Variants in ZMYND8 observed in about 807,000 individuals in gnomAD.
ZMYND8 encodes the protein MYND-type zinc finger-containing chromatin reader ZMYND8.
A neutral mutation model predicts 140.8 loss-of-function variants in ZMYND8; 37 were observed. The observed-to-expected ratio is 0.26, with a 90% CI of 0.20 to 0.35. ZMYND8 has a LOEUF of 0.35. ZMYND8 is among the 10% of genes least tolerant of loss of function. The pLI, the probability that ZMYND8 is intolerant of heterozygous loss-of-function variation, is 1.00. For missense variants in ZMYND8, 1,068 were observed against 1,570.0 expected (o/e 0.68, Z 5.40); for synonymous variants, 592 against 597.1 (o/e 0.99, Z 0.12).
In ZMYND8 at chr20:47,276,484, C is replaced by T; in HGVS notation, c.1310G>A (p.Ser437Asn). 6.2e-7 allele frequency: 1 copy of T among 1,614,110 alleles called. No individual in the cohort carries two copies. Among genetic ancestry groups the T allele is most frequent in the Non-Finnish European group, 8.5e-7 (1 of 1,180,008 alleles). Residue 437 changes from serine (S) to asparagine (N), a missense_variant, in exon 11 of 23, where the codon AGT (serine) becomes AAT (asparagine). Ser to Asn is a conservative substitution (Grantham distance 46). Transcript: ENST00000471951. ...PKILMSKPVL[S>N]GGTGRRISLS... ...GGAAATCCGGCGGCCTGTGCCCCCACTCAGCACAGGCTTGCTCATCAGGAT... is the reference window on the plus strand; with the variant it reads ...GGAAATCCGGCGGCCTGTGCCCCCATTCAGCACAGGCTTGCTCATCAGGAT...
chr20:47,227,175 CA>C (rs777314429), intron 18 of ZMYND8, 27 bp downstream of exon 18: 127 of 1,613,270 alleles, frequency 7.9e-5, no homozygotes, highest in Non-Finnish European at 9.2e-5. Context: ...AAACCCTCCT[CA>C]GTCCAGACCA....
intron 1 of ZMYND8, chr20:47,350,019 T>C (rs1215582357): frequency 7.5e-6 from 11 of 1,474,864 alleles, no homozygotes; most frequent in Admixed American, 5.0e-5. Context: ...AAACTAGTTA[T>C]GTGGTGGCTA....
At chr20:47,252,590 A>C (rs1450608651) in intron 12 of ZMYND8, among the ~76,000 whole-genome samples, 2 of 152,234 alleles carry the variant, frequency 1.3e-5, no homozygotes, top group Non-Finnish European at 2.9e-5. Flanking sequence ...CAGTTAACGA[A>C]AAAATTTACA....
At chr20:47,223,364 C>T (rs542874315) in intron 19 of ZMYND8, among the ~76,000 whole-genome samples, 6 of 151,204 alleles carry the variant, frequency 4.0e-5, no homozygotes, top group South Asian at 4.2e-4. Flanking sequence ...AAATTAGCTG[C>T]GCATGGTGAT....
At chr20:47,338,065 T>C (rs2081526299) in intron 2 of ZMYND8, among the ~76,000 whole-genome samples, 1 of 152,078 alleles carries the variant, frequency 6.6e-6, no homozygotes, top group Non-Finnish European at 1.5e-5. Flanking sequence ...TAAGTGCAAG[T>C]AGAGAAAAAC....
intron 2 of ZMYND8, 105 bp downstream of exon 2, chr20:47,347,751 C>T: frequency 1.8e-6 from 2 of 1,081,116 alleles, no homozygotes; most frequent in Non-Finnish European, 2.7e-6. Context: ...AGAAGAGTTA[C>T]AACGTCGGCT....
intron 2 of ZMYND8, among the ~76,000 whole-genome samples, chr20:47,332,690 A>G (rs1305077784): frequency 6.6e-6 from 1 of 152,230 alleles, no homozygotes; most frequent in Non-Finnish European, 1.5e-5. Flanking sequence ...CGTCTGGGGA[A>G]CAGAGCAAGC....
intron 14 of ZMYND8, among the ~76,000 whole-genome samples, chr20:47,243,977 C>T (rs561273458): frequency 2.6e-5 from 4 of 152,196 alleles, no homozygotes; most frequent in Non-Finnish European, 4.4e-5. Context: ...GGTTTGATGG[C>T]CTATCCTCCC....
intron 14 of ZMYND8, among the ~76,000 whole-genome samples, chr20:47,244,992 G>A (rs1190515628): frequency 6.6e-6 from 1 of 152,122 alleles, no homozygotes; most frequent in Non-Finnish European, 1.5e-5. Flanking sequence ...GGGAGGCGGA[G>A]GTTGCAGTCA....
chr20:47,285,897 T>C (rs915973158), intron 8 of ZMYND8: 9 of 934,836 alleles, frequency 9.6e-6, no homozygotes, highest in Non-Finnish European at 1.1e-5. Context: ...TCTACATAAA[T>C]ATACAGACAT....
At position 47,221,249 on chromosome 20, in the gene ZMYND8, G is replaced by A. The variant is rs952318829; in HGVS notation, c.3417+65C>T. ...CGGAACTTTCAGGGCGGCAGACAGG[G>A]GGTCCTAAGTCCACTTGGCACAAAG... On this transcript the variant is annotated intron_variant, in intron 20 of 22. Transcript: ENST00000471951. The A allele has an allele frequency of 2.0e-4, 315 of 1,582,120 alleles. 2 individuals carry two copies. Among genetic ancestry groups the A allele is most frequent in the Non-Finnish European group, 2.1e-4 (242 of 1,163,530 alleles).
chr20:47,350,479 G>T lies in ZMYND8; in HGVS notation c.15-2553C>A, dbSNP rs556351552. Among the ~76,000 whole-genome samples, 563 of 147,746 alleles carry T rather than the reference G, an allele frequency of 3.8e-3. 3 individuals are homozygous for T. The highest frequency in any genetic ancestry group is 0.013 in the African/African-American group (524 of 40,020). The stretch of plus-strand genomic sequence containing the variant: ...TGTGTGTGTGTGTGTGTTTTTTTTT[G>T]ATTTAGTGTTAAGAACTAGTATGTT... On this transcript the variant is annotated intron_variant, in intron 1 of 22. Coordinates refer to ENST00000471951, the MANE Select transcript of ZMYND8 (RefSeq NM_001281775.3).
chr20:47,333,967 A>C (rs2081185835), intron 2 of ZMYND8, among the ~76,000 whole-genome samples: 1 of 152,048 alleles, frequency 6.6e-6, no homozygotes, highest in Admixed American at 6.6e-5. Context: ...GAATAAATGA[A>C]TAAATAAATA....
chr20:47,268,896 A>G (rs540578008), intron 11 of ZMYND8, among the ~76,000 whole-genome samples: 1 of 152,318 alleles, frequency 6.6e-6, no homozygotes, highest in African/African-American at 2.4e-5. Context: ...AGTGATTAAC[A>G]ATCCAAAGAA....
intron 1 of ZMYND8, chr20:47,352,112 G>T: frequency 1.5e-6 from 1 of 679,448 alleles, no homozygotes; most frequent in Non-Finnish European, 1.8e-6. Flanking sequence ...ACTGCAGACG[G>T]ACAGGTGTCT....
At chr20:47,221,004 A>C (rs2036859723) in intron 20 of ZMYND8, among the ~76,000 whole-genome samples, 2 of 152,172 alleles carry the variant, frequency 1.3e-5, no homozygotes. Context: ...AGTGCTCAAA[A>C]GCTGCATGTA....
chr20:47,242,010 G>A (rs1419808915), intron 14 of ZMYND8, among the ~76,000 whole-genome samples: 5 of 151,846 alleles, frequency 3.3e-5, no homozygotes, highest in Non-Finnish European at 7.4e-5. Context: ...GTAGAGGCGG[G>A]GTTTCACTGT....
At chr20:47,310,302 A>C in intron 2 of ZMYND8, 98 bp from the exon 3 acceptor site, 1 of 1,436,656 alleles carries the variant, frequency 7.0e-7, no homozygotes, top group Non-Finnish European at 9.3e-7. Context: ...AACAGAGTGC[A>C]TTCTGTCCCC....
intron 8 of ZMYND8, 121 bp downstream of exon 8, chr20:47,287,108 G>T: frequency 1.3e-6 from 1 of 791,000 alleles, no homozygotes; most frequent in Non-Finnish European, 2.2e-6. Context: ...GTAGGGGTGT[G>T]GCCTCAACAA....
Sources: allele counts gnomAD v4.1 joint callset (sites outside exome capture counted in the v4.1 genomes callset), GRCh38; gene constraint gnomAD v4.1.1; transcripts MANE v1.5; gene names NCBI Gene and HGNC (gene_info 2026-07-23, HGNC 2026-07-21).